SEC24A: variants seen among roughly 807,000 people sequenced by gnomAD.
SEC24A encodes the protein protein transport protein Sec24A.
A neutral mutation model predicts 129.4 loss-of-function variants in SEC24A; 93 were observed. The observed-to-expected ratio is 0.72, with a 90% CI of 0.61 to 0.85. The LOEUF (loss-of-function observed/expected upper bound fraction) is 0.85. Among genes scored for constraint, SEC24A ranks in the 40% least tolerant of loss-of-function variants. The pLI, the probability that SEC24A is intolerant of heterozygous loss-of-function variation, is 0.00. For missense variants in SEC24A, 1,264 were observed against 1,307.4 expected (o/e 0.97, Z 0.51); for synonymous variants, 460 against 467.3 (o/e 0.98, Z 0.20).
At chr5:134,723,017 G>A (rs1752666696) in intron 21 of SEC24A, among the ~76,000 whole-genome samples, 1 of 152,136 alleles carries the variant, frequency 6.6e-6, no homozygotes, top group African/African-American at 2.4e-5. Flanking sequence ...TACCTGGCAG[G>A]TGGCACACGC....
intron 3 of SEC24A, among the ~76,000 whole-genome samples, chr5:134,667,296 T>C (rs1477171976): frequency 6.6e-6 from 1 of 151,828 alleles, no homozygotes; most frequent in African/African-American, 2.4e-5. Flanking sequence ...ATTACTACTT[T>C]TCTTGACATG....
intron 19 of SEC24A, chr5:134,715,463 T>A (rs535197076): frequency 3.7e-5 from 9 of 243,776 alleles, no homozygotes; most frequent in Non-Finnish European, 7.0e-5. Context: ...ACTGACATTT[T>A]AAAAGTTCTG....
At chr5:134,662,270 T>G (rs995195035) in intron 2 of SEC24A, among the ~76,000 whole-genome samples, 3 of 152,114 alleles carry the variant, frequency 2.0e-5, no homozygotes, top group African/African-American at 7.2e-5. Flanking sequence ...TTCTCCTGCC[T>G]CAGCCTCCCG....
intron 12 of SEC24A, chr5:134,693,411 C>CCA (rs1561820995): frequency 7.4e-7 from 1 of 1,352,002 alleles, no homozygotes; most frequent in Non-Finnish European, 9.5e-7. Flanking sequence ...ATGGAGAAGG[C>CCA]CATATTTCAT....
intron 1 of SEC24A, among the ~76,000 whole-genome samples, chr5:134,659,164 T>C (rs964608218): frequency 6.6e-6 from 1 of 151,556 alleles, no homozygotes; most frequent in African/African-American, 2.4e-5. Context: ...CTCTGCCTCC[T>C]GGGTTCACGC....
At chr5:134,723,895 T>C (rs1752690054) in intron 22 of SEC24A, among the ~76,000 whole-genome samples, 1 of 152,258 alleles carries the variant, frequency 6.6e-6, no homozygotes, top group Non-Finnish European at 1.5e-5. Context: ...TATTGATACA[T>C]GTATACATTG....
At chr5:134,683,600 A>T (rs967779740) in intron 9 of SEC24A, among the ~76,000 whole-genome samples, 1 of 151,856 alleles carries the variant, frequency 6.6e-6, no homozygotes, top group African/African-American at 2.4e-5. Context: ...TGTAGCCTCA[A>T]CTTCATGGGC....
chr5:134,682,671 C>G (rs947011820), intron 9 of SEC24A, among the ~76,000 whole-genome samples, 189 bp downstream of exon 9: 3 of 152,096 alleles, frequency 2.0e-5, no homozygotes, highest in Non-Finnish European at 4.4e-5. Flanking sequence ...ACCTCCCGTG[C>G]TCAAGTGATC....
At chr5:134,689,798 A>T (rs898640779) in intron 11 of SEC24A, among the ~76,000 whole-genome samples, 1 of 152,006 alleles carries the variant, frequency 6.6e-6, no homozygotes, top group South Asian at 2.1e-4. Flanking sequence ...TGGAATATTT[A>T]TTATTCAGCC....
chr5:134,666,675 A>T, intron 2 of SEC24A, 148 bp from the exon 3 acceptor site: 1 of 607,062 alleles, frequency 1.6e-6, no homozygotes, highest in Non-Finnish European at 2.8e-6. Flanking sequence ...GAAAAATTGT[A>T]AATTTAGGAA....
chr5:134,659,361 C>A (rs7719406), intron 1 of SEC24A, among the ~76,000 whole-genome samples: 1 of 152,084 alleles, frequency 6.6e-6, no homozygotes, highest in East Asian at 1.9e-4. Flanking sequence ...CGTGAGCCAC[C>A]GCGCCTGGCC....
At chr5:134,720,905 A>AAT in intron 20 of SEC24A, 93 bp from the exon 21 acceptor site, 4 of 648,360 alleles carry the variant, frequency 6.2e-6, no homozygotes, top group East Asian at 3.0e-5. Flanking sequence ...CTATCTCACA[A>AAT]ATATATATAT....
At chr5:134,663,069 T>C (rs1432270978) in intron 2 of SEC24A, among the ~76,000 whole-genome samples, 1 of 152,080 alleles carries the variant, frequency 6.6e-6, no homozygotes, top group East Asian at 1.9e-4. Context: ...TTTGATATCA[T>C]TATCTGTTTT....
At chr5:134,696,624 G>A (rs1008678597) in intron 13 of SEC24A, among the ~76,000 whole-genome samples, 3 of 151,748 alleles carry the variant, frequency 2.0e-5, no homozygotes, top group Non-Finnish European at 2.9e-5. Context: ...TCAGCCTCCC[G>A]AGTAGCTGGG....
chr5:134,692,394 A>C (rs548628659), intron 11 of SEC24A, among the ~76,000 whole-genome samples: 54 of 152,280 alleles, frequency 3.5e-4, no homozygotes, highest in Admixed American at 2.1e-3. Context: ...ACAAGGTAGC[A>C]GACAAGAAGC....
intron 1 of SEC24A, among the ~76,000 whole-genome samples, chr5:134,655,531 C>A (rs888560150): frequency 6.6e-6 from 1 of 151,470 alleles, no homozygotes; most frequent in African/African-American, 2.4e-5. Context: ...CGCCTGTAAT[C>A]CCAGCTACTC....
At chr5:134,678,430 A>AT (rs1561812795) in intron 7 of SEC24A, among the ~76,000 whole-genome samples, 1 of 151,090 alleles carries the variant, frequency 6.6e-6, no homozygotes. Flanking sequence ...TCTTGGTTTT[A>AT]TTTTTTTAAC....
intron 18 of SEC24A, among the ~76,000 whole-genome samples, chr5:134,713,079 C>CTG: frequency 6.7e-5 from 10 of 149,760 alleles, no homozygotes; most frequent in Non-Finnish European, 1.2e-4. Flanking sequence ...CTACAGGCGC[C>CTG]CACCACAATG....
Position 134,720,991 on chromosome 5 carries a change from T to A in SEC24A, c.2971-7T>A. The A allele has an allele frequency of 6.4e-7, 1 of 1,564,998 alleles. No individual in the cohort carries two copies. Among genetic ancestry groups the A allele is most frequent in the African/African-American group, 1.4e-5 (1 of 73,986 alleles). The stretch of plus-strand genomic sequence containing the variant: ...GCATCTCAAAATAATTTTATTCCTG[T>A]CCCTAGGTACTGATGCTTTGGGTTG... On this transcript the variant is annotated splice_region_variant and splice_polypyrimidine_tract_variant and intron_variant, in intron 20 of 22. Coordinates refer to ENST00000398844, the MANE Select transcript of SEC24A (RefSeq NM_021982.3).
Sources: allele counts gnomAD v4.1 joint callset (sites outside exome capture counted in the v4.1 genomes callset), GRCh38; gene constraint gnomAD v4.1.1; transcripts MANE v1.5; gene names NCBI Gene and HGNC (gene_info 2026-07-23, HGNC 2026-07-21).